Variants in EDDM13 observed in about 807,000 individuals in gnomAD.
EDDM13 encodes the protein epididymal protein 13.
Under a neutral mutation model 17.8 loss-of-function variants are expected in EDDM13, and 24 were observed. The ratio of observed to expected loss-of-function variants is 1.35; its 90% CI spans 0.98 to 1.90. The LOEUF (loss-of-function observed/expected upper bound fraction) is 1.90. Among genes scored for constraint, EDDM13 ranks in the 40% most tolerant of loss-of-function variants. The pLI, the probability that EDDM13 is intolerant of heterozygous loss-of-function variation, is 0.00. For missense variants in EDDM13, 97 were observed against 100.8 expected, an observed-to-expected ratio of 0.96 and a Z score of 0.16; for synonymous variants, 31 against 37.5, an observed-to-expected ratio of 0.83 and a Z score of 0.63.
chr19:56,273,037 AT>A (rs370213324), intron 1 of EDDM13, 118 bp downstream of exon 1: 9 of 258,280 alleles, frequency 3.5e-5, no homozygotes, highest in African/African-American at 1.6e-4. Flanking sequence ...CTTGCTTCCC[AT>A]TTAGACATTC....
At chr19:56,303,722 GAAAC>G (rs1469529465) in intron 13 of EDDM13, among the ~76,000 whole-genome samples, 1 of 152,118 alleles carries the variant, frequency 6.6e-6, no homozygotes, top group Non-Finnish European at 1.5e-5. Context: ...GGACTGCAGA[GAAAC>G]AAGCAGCCAG....
At chr19:56,277,916 T>A (rs1241654790) in intron 2 of EDDM13, among the ~76,000 whole-genome samples, 2 of 152,164 alleles carry the variant, frequency 1.3e-5, no homozygotes, top group African/African-American at 4.8e-5. Context: ...TAAAAATATT[T>A]GAAAAATAAG....
chr19:56,273,193 T>A (rs1467158650), intron 1 of EDDM13, among the ~76,000 whole-genome samples: 2 of 152,210 alleles, frequency 1.3e-5, no homozygotes, highest in East Asian at 3.8e-4. Flanking sequence ...CTTGCTGTCC[T>A]CATCTGACCA....
At chr19:56,290,190 G>C (rs1419942731) in intron 8 of EDDM13, among the ~76,000 whole-genome samples, 1 of 152,208 alleles carries the variant, frequency 6.6e-6, no homozygotes, top group East Asian at 1.9e-4. Context: ...AGGTTTCTCA[G>C]GTGCTTCTGA....
intron 4 of EDDM13, chr19:56,282,977 G>C (rs1237312736): frequency 2.0e-5 from 3 of 152,208 alleles, no homozygotes; most frequent in Non-Finnish European, 4.4e-5. Flanking sequence ...GGGGCAGAAG[G>C]CTAGGTCAGG....
intron 6 of EDDM13, among the ~76,000 whole-genome samples, chr19:56,285,848 G>A (rs987776085): frequency 1.3e-5 from 2 of 152,092 alleles, no homozygotes; most frequent in African/African-American, 4.8e-5. Flanking sequence ...TCCAGTCATT[G>A]CTTTTTTATT....
chr19:56,297,857 C>G (rs763344706), intron 12 of EDDM13: 1 of 152,094 alleles, frequency 6.6e-6, no homozygotes, highest in Non-Finnish European at 1.5e-5. Flanking sequence ...GACTGAGGGC[C>G]GGAAAACCAG....
chr19:56,302,751 C>A, intron 13 of EDDM13: 1 of 389,232 alleles, frequency 2.6e-6, no homozygotes. Flanking sequence ...AAAACTTCTC[C>A]CTTCTGCACT....
intron 2 of EDDM13, among the ~76,000 whole-genome samples, chr19:56,278,432 C>G (rs2038431703): frequency 6.6e-6 from 1 of 152,120 alleles, no homozygotes; most frequent in Non-Finnish European, 1.5e-5. Context: ...CCCCGCCCAG[C>G]CACAATGTGC....
Position 56,284,491 on chromosome 19 carries a change from G to A in EDDM13, c.127+285G>A, listed in dbSNP as rs572799867. Among the ~76,000 whole-genome samples the A allele has an allele frequency of 9.8e-5, 11 of 112,088 alleles. No homozygotes were observed. In the East Asian group the frequency reaches 2.5e-3, roughly 25 times the overall value. 73.5% of individuals were successfully genotyped at this position (112,088 alleles called of 152,430 possible). ...AGATAAGTAAACAGAAATTAGATTA[G>A]AGACAAGTGATGCTTGCTGTAATTT... On this transcript the variant is annotated intron_variant, in intron 5 of 14. Coordinates refer to ENST00000649256, the MANE Select transcript of EDDM13 (RefSeq NM_001354658.2).
rs183972509 is a variant in EDDM13, at chr19:56,303,253, C to G, written c.423+1158C>G. Among the ~76,000 whole-genome samples the G allele has an allele frequency of 4.6e-5, 7 of 151,960 alleles. No homozygotes were observed. In the South Asian group the frequency reaches 8.3e-4, roughly 18 times the overall value. On this transcript the variant is annotated intron_variant, in intron 13 of 14. Coordinates refer to ENST00000649256, the MANE Select transcript of EDDM13 (RefSeq NM_001354658.2). Reference sequence around the variant, plus strand: ...GCAGCACTGTGGGAGGCTGAGGCGGCTGGATCACGAGGTCAGGAGTTCAAG... The same window carrying G: ...GCAGCACTGTGGGAGGCTGAGGCGGGTGGATCACGAGGTCAGGAGTTCAAG...
chr19:56,297,067 C>T (rs959906163), intron 11 of EDDM13, among the ~76,000 whole-genome samples: 2 of 116,520 alleles, frequency 1.7e-5, no homozygotes, highest in African/African-American at 5.7e-5. Context: ...AAAACTCTGT[C>T]TCAAAAAAAA....
At chr19:56,301,235 C>A (rs1381195066) in intron 12 of EDDM13, among the ~76,000 whole-genome samples, 1 of 152,178 alleles carries the variant, frequency 6.6e-6, no homozygotes, top group Non-Finnish European at 1.5e-5. Context: ...ACTGAGTCTC[C>A]TTATAGTTAT....
chr19:56,286,811 C>T (rs2039158270), intron 6 of EDDM13: 1 of 152,252 alleles, frequency 6.6e-6, no homozygotes. Flanking sequence ...CTCGGCGTCA[C>T]TAAGCACTCA....
intron 9 of EDDM13, among the ~76,000 whole-genome samples, chr19:56,295,395 A>T (rs1333928993): frequency 6.6e-6 from 1 of 152,018 alleles, no homozygotes; most frequent in Non-Finnish European, 1.5e-5. Flanking sequence ...GGAGTTCTAG[A>T]CCAGCCTGGC....
At chr19:56,297,424 T>G (rs2039950696) in intron 11 of EDDM13, 81 bp from the exon 12 acceptor site, 1 of 320,728 alleles carries the variant, frequency 3.1e-6, no homozygotes, top group Non-Finnish European at 4.4e-6. Context: ...TCTTCCTCCC[T>G]CCCTCTCTCC....
chr19:56,285,794 T>C (rs2039072417), intron 6 of EDDM13, among the ~76,000 whole-genome samples: 1 of 152,106 alleles, frequency 6.6e-6, no homozygotes, highest in South Asian at 2.1e-4. Context: ...TTGTTTTATT[T>C]TGTTTTGATG....
Position 56,302,080 on chromosome 19 carries a change from CA to C in EDDM13, c.410del (p.Asn137ThrfsTer45). 1 of 1,231,694 alleles carries C rather than the reference CA, an allele frequency of 8.1e-7. No homozygotes were observed. The highest frequency in any genetic ancestry group is 1.0e-6 in the Non-Finnish European group (1 of 988,008). The allele number at this position is 1,231,694 out of a possible 1,614,324, so 76.3% of individuals were successfully genotyped here. On this transcript the variant is annotated frameshift_variant, in exon 13 of 15. Coordinates refer to ENST00000649256, the MANE Select transcript of EDDM13 (RefSeq NM_001354658.2). LOFTEE classifies it high-confidence loss of function. ...MVMTYLFVSY[N>X]KGDWCYCHYC... Reference sequence around the variant, plus strand: ...TGATGACCTACCTCTTCGTATCCTACAACAAAGGGGACTGGGTAAGAAGAAG... The same window carrying C: ...TGATGACCTACCTCTTCGTATCCTACACAAAGGGGACTGGGTAAGAAGAAG...
chr19:56,285,391 G>A (rs2039029551), intron 6 of EDDM13, among the ~76,000 whole-genome samples: 1 of 152,318 alleles, frequency 6.6e-6, no homozygotes, highest in Non-Finnish European at 1.5e-5. Context: ...CCCAGAAATA[G>A]TCATACACAT....
Sources: allele counts gnomAD v4.1 joint callset (sites outside exome capture counted in the v4.1 genomes callset), GRCh38; gene constraint gnomAD v4.1.1; transcripts MANE v1.5; gene names NCBI Gene and HGNC (gene_info 2026-07-23, HGNC 2026-07-21).